AGBL1: variants seen among roughly 807,000 people sequenced by gnomAD.
The protein encoded by AGBL1 is AGBL carboxypeptidase 1.
Under a neutral mutation model 118.9 loss-of-function variants are expected in AGBL1, and 130 were observed. The ratio of observed to expected loss-of-function variants is 1.09; its 90% CI spans 0.95 to 1.26. The LOEUF (loss-of-function observed/expected upper bound fraction) is 1.26, where lower values mean the gene tolerates loss of function less well. AGBL1 is among the 50% of genes most tolerant of loss of function. AGBL1 has a pLI of 0.00. For synonymous variants in AGBL1, 555 were observed against 478.9 expected, an observed-to-expected ratio of 1.16 and a Z score of -2.08; for missense variants, 1,584 against 1,298.1, an observed-to-expected ratio of 1.22 and a Z score of -3.38.
chr15:86,999,517 A>G (rs565542772), intron 24 of AGBL1, among the ~76,000 whole-genome samples: 1 of 146,740 alleles, frequency 6.8e-6, no homozygotes, highest in African/African-American at 2.7e-5. Context: ...GAGAATGATG[A>G]TTTCCAATTT....
At chr15:86,170,436 T>G (rs1335719509) in intron 5 of AGBL1, among the ~76,000 whole-genome samples, 1 of 151,728 alleles carries the variant, frequency 6.6e-6, no homozygotes, top group Non-Finnish European at 1.5e-5. Context: ...CAGAAAAAAA[T>G]ATTTGAGGAA....
At chr15:86,412,512 C>T (rs2081636575) in intron 18 of AGBL1, among the ~76,000 whole-genome samples, 2 of 152,138 alleles carry the variant, frequency 1.3e-5, no homozygotes, top group Admixed American at 1.3e-4. Context: ...CTATAATTGT[C>T]AGTGTTTGGT....
intron 1 of AGBL1, among the ~76,000 whole-genome samples, chr15:86,089,707 C>T (rs1218974521): frequency 6.6e-6 from 1 of 152,132 alleles, no homozygotes; most frequent in Non-Finnish European, 1.5e-5. Flanking sequence ...TCGGTGCTAG[C>T]TCAATGCCCT....
chr15:86,159,906 A>G (rs2077243280), intron 5 of AGBL1, among the ~76,000 whole-genome samples: 1 of 152,070 alleles, frequency 6.6e-6, no homozygotes, highest in South Asian at 2.1e-4. Flanking sequence ...TCTCTACACC[A>G]AGCATTTCGT....
rs2080356476 is a variant in AGBL1 at position 86,911,863 on chromosome 15, A to G, written c.*4569A>G. 6.6e-6 allele frequency: 1 copy of G among 152,072 alleles called. No homozygotes were observed. Among genetic ancestry groups the G allele is most frequent in the Admixed American group, 6.5e-5 (1 of 15,272 alleles). The allele number at this position is 152,072 out of a possible 1,614,324, so 9.4% of individuals were successfully genotyped here. A position where few individuals can be genotyped will look rare whatever the true frequency, so the allele number is the denominator to read the frequency against. On this transcript the variant is annotated 3_prime_UTR_variant, in exon 23 of 23. Coordinates refer to ENST00000614907, the MANE Select transcript of AGBL1 (RefSeq NM_001386094.1). ...CATGCCCCTGTTGCACTGTTTATATATCTCTTTTATACTATGCTTATTTTT... is the reference window on the plus strand; with the variant it reads ...CATGCCCCTGTTGCACTGTTTATATGTCTCTTTTATACTATGCTTATTTTT...
At chr15:86,797,229 T>C (rs2078585843) in intron 22 of AGBL1, among the ~76,000 whole-genome samples, 1 of 152,212 alleles carries the variant, frequency 6.6e-6, no homozygotes, top group African/African-American at 2.4e-5. Context: ...CATGCCCACA[T>C]AATGAAGACC....
At chr15:86,308,237 T>A (rs1199293094) in intron 17 of AGBL1, among the ~76,000 whole-genome samples, 6 of 152,224 alleles carry the variant, frequency 3.9e-5, no homozygotes, top group Admixed American at 3.9e-4. Flanking sequence ...AATTCATGAG[T>A]TGAAACCCTA....
chr15:86,476,197 A>G (rs982049481), intron 18 of AGBL1, among the ~76,000 whole-genome samples: 18 of 152,234 alleles, frequency 1.2e-4, no homozygotes, highest in Non-Finnish European at 2.4e-4. Flanking sequence ...ACCAGCTAAC[A>G]TCATAATGAC....
chr15:87,009,413 C>G (rs894825179), intron 24 of AGBL1, among the ~76,000 whole-genome samples: 2 of 152,198 alleles, frequency 1.3e-5, no homozygotes, highest in Non-Finnish European at 2.9e-5. Context: ...AAATAATGTA[C>G]AGAAATGCCT....
intron 24 of AGBL1, among the ~76,000 whole-genome samples, chr15:86,989,492 G>C (rs968564529): frequency 2.0e-5 from 3 of 151,940 alleles, no homozygotes; most frequent in African/African-American, 4.8e-5. Context: ...GAGATTATAA[G>C]GGTTTCCCCC....
chr15:86,995,309 C>G (rs1157976592), intron 24 of AGBL1, among the ~76,000 whole-genome samples: 7 of 152,048 alleles, frequency 4.6e-5, no homozygotes, highest in Non-Finnish European at 2.9e-5. Context: ...TCACCTGAGC[C>G]CGGGAGGTCA....
chr15:86,220,664 T>C (rs2078266405), intron 5 of AGBL1, among the ~76,000 whole-genome samples: 1 of 152,142 alleles, frequency 6.6e-6, no homozygotes, highest in African/African-American at 2.4e-5. Context: ...AGTATGAAAA[T>C]AGATAGGATG....
At chr15:86,383,543 C>A (rs1368902316) in intron 17 of AGBL1, among the ~76,000 whole-genome samples, 3 of 152,100 alleles carry the variant, frequency 2.0e-5, no homozygotes, top group Non-Finnish European at 4.4e-5. Context: ...GCTGGGATTG[C>A]ACCACGGTAT....
intron 3 of AGBL1, 63 bp from the exon 4 acceptor site, chr15:86,154,367 A>G (rs1447661983): frequency 1.0e-5 from 16 of 1,553,518 alleles, no homozygotes; most frequent in Admixed American, 3.7e-5. Context: ...CCTCCACTGT[A>G]CTCATTGTAC....
chr15:86,568,509 T>G (rs2083952357), intron 21 of AGBL1, among the ~76,000 whole-genome samples: 1 of 152,218 alleles, frequency 6.6e-6, no homozygotes, highest in Non-Finnish European at 1.5e-5. Flanking sequence ...TGACTATTTC[T>G]GCCTACTTAT....
chr15:86,798,394 G>T (rs185316354), intron 22 of AGBL1, among the ~76,000 whole-genome samples: 6 of 152,092 alleles, frequency 3.9e-5, no homozygotes, highest in Admixed American at 2.0e-4. Flanking sequence ...GCATCTTAAG[G>T]ATTATGTAAA....
At chr15:86,972,717 A>G (rs897544018) in intron 23 of AGBL1, among the ~76,000 whole-genome samples, 1 of 152,056 alleles carries the variant, frequency 6.6e-6, no homozygotes, top group Non-Finnish European at 1.5e-5. Context: ...GGGAGAATGC[A>G]CTGAGCATGC....
intron 19 of AGBL1, among the ~76,000 whole-genome samples, chr15:86,524,365 G>T (rs1333079842): frequency 1.3e-5 from 2 of 152,164 alleles, no homozygotes; most frequent in Non-Finnish European, 2.9e-5. Flanking sequence ...TACCTTCAGA[G>T]GACACAGATT....
chr15:87,003,394 G>C (rs1001384933), intron 24 of AGBL1, among the ~76,000 whole-genome samples: 1 of 130,014 alleles, frequency 7.7e-6, no homozygotes, highest in Admixed American at 7.8e-5. Flanking sequence ...ATTTTATTGA[G>C]GATTTTTGCA....
Sources: gnomAD v4.1 joint callset for allele counts (sites outside exome capture counted in the v4.1 genomes callset) on GRCh38, gnomAD v4.1.1 for gene constraint, MANE v1.5 for transcripts, NCBI Gene and HGNC (gene_info 2026-07-23, HGNC 2026-07-21) for gene names.